Variants in SDK2 observed in about 807,000 individuals in gnomAD.
SDK2 encodes protein sidekick-2.
SDK2 carries 105 observed loss-of-function variants against 253.9 expected under a neutral mutation model. That is an observed-to-expected ratio of 0.41 (90% confidence interval 0.35 to 0.49). SDK2 has a LOEUF of 0.49. Ranked by LOEUF, SDK2 falls within the 20% of genes least tolerant of loss-of-function variation. The pLI is 0.06. For missense variants in SDK2, 2,608 were observed against 3,003.0 expected (o/e 0.87, Z 3.07); for synonymous variants, 1,249 against 1,234.9 (o/e 1.01, Z -0.24).
chr17:73,430,468 C>T (rs1299858470), intron 12 of SDK2, 43 bp downstream of exon 12: 1 of 1,448,824 alleles, frequency 6.9e-7, no homozygotes, highest in Non-Finnish European at 9.6e-7. Context: ...TTGCCAGAGG[C>T]TCCCCCTCCC....
At chr17:73,414,177 A>G (rs1766148603) in intron 18 of SDK2, among the ~76,000 whole-genome samples, 1 of 151,510 alleles carries the variant, frequency 6.6e-6, no homozygotes, top group African/African-American at 2.4e-5. Context: ...CCTCCCGAGT[A>G]GCTGGGATTA....
At chr17:73,368,633 G>A (rs375414527) in intron 36 of SDK2, 40 bp from the exon 37 acceptor site, 1 of 1,467,914 alleles carries the variant, frequency 6.8e-7, no homozygotes, top group Admixed American at 2.2e-5. Flanking sequence ...GGGGACAGGG[G>A]CAATGAGAGT....
chr17:73,469,992 G>GTGCACACACACACA (rs1555585113), intron 3 of SDK2, among the ~76,000 whole-genome samples: 1 of 126,184 alleles, frequency 7.9e-6, no homozygotes, highest in African/African-American at 3.1e-5. Flanking sequence ...GCGCGCGCGC[G>GTGCACACACACACA]CACACACACA....
At chr17:73,630,801 G>A (rs2046259312) in intron 1 of SDK2, among the ~76,000 whole-genome samples, 1 of 152,056 alleles carries the variant, frequency 6.6e-6, no homozygotes, top group Non-Finnish European at 1.5e-5. Context: ...GCTGTCAAAA[G>A]CACCACTGTC....
rs1008409028 is a variant in SDK2 at position 73,511,193 on chromosome 17, T to C, written c.65-3596A>G. Among the ~76,000 whole-genome samples, 1 of 152,250 alleles carries C rather than the reference T, an allele frequency of 6.6e-6. No individual in the cohort carries two copies. Among genetic ancestry groups the C allele is most frequent in the Non-Finnish European group, 1.5e-5 (1 of 68,046 alleles). On this transcript the variant is annotated intron_variant, in intron 1 of 44. Coordinates refer to ENST00000392650, the MANE Select transcript of SDK2 (RefSeq NM_001144952.2). This position sits in a 1 kb window ranked among gnomAD's most constrained non-coding sequence, Gnocchi z 4.9. Reference sequence around the variant, plus strand: ...GCGCTTTTAAAAACCCTCTGTTCATTGCTGTCATCACTCGTTTGTTTTAAA... The same window carrying C: ...GCGCTTTTAAAAACCCTCTGTTCATCGCTGTCATCACTCGTTTGTTTTAAA...
At chr17:73,358,302 A>C in intron 39 of SDK2, 98 bp from the exon 40 acceptor site, 1 of 1,446,724 alleles carries the variant, frequency 6.9e-7, no homozygotes, top group Non-Finnish European at 9.2e-7. Context: ...TGACAAAACC[A>C]ACCCTGGACA....
intron 27 of SDK2, 26 bp from the exon 28 acceptor site, chr17:73,391,564 C>G (rs373481242): frequency 7.4e-6 from 9 of 1,223,934 alleles, no homozygotes; most frequent in Non-Finnish European, 8.4e-6. Flanking sequence ...GAGAGGAGGC[C>G]GACCCATGAG....
chr17:73,400,522 AG>A (rs2063013596), intron 21 of SDK2, among the ~76,000 whole-genome samples: 1 of 152,146 alleles, frequency 6.6e-6, no homozygotes, highest in Non-Finnish European at 1.5e-5. Flanking sequence ...GCAGGGAGCC[AG>A]GGGAGCCCCT....
intron 2 of SDK2, among the ~76,000 whole-genome samples, chr17:73,489,962 GGCACAGAGTTTTCT>G (rs1567802803): frequency 1.3e-5 from 2 of 152,102 alleles, no homozygotes; most frequent in African/African-American, 4.8e-5. Context: ...GAGGACAAAG[GGCACAGAGTTTTCT>G]GCAAAGAGTG....
At chr17:73,621,523 A>C (rs1441943771) in intron 1 of SDK2, among the ~76,000 whole-genome samples, 3 of 152,188 alleles carry the variant, frequency 2.0e-5, no homozygotes, top group Non-Finnish European at 4.4e-5. Flanking sequence ...TATTTCATGC[A>C]ATAAATGACA....
intron 3 of SDK2, among the ~76,000 whole-genome samples, chr17:73,470,282 T>A (rs954099587): frequency 2.0e-5 from 3 of 149,232 alleles, no homozygotes; most frequent in African/African-American, 7.4e-5. Flanking sequence ...CATGCATGCA[T>A]GCATGCAAAC....
At chr17:73,387,497 C>A (rs1168481116) in intron 30 of SDK2, among the ~76,000 whole-genome samples, 2 of 152,224 alleles carry the variant, frequency 1.3e-5, no homozygotes. Context: ...TGACGCTCCA[C>A]TCCCCTATTA....
intron 12 of SDK2, among the ~76,000 whole-genome samples, chr17:73,427,252 T>C (rs6501638): frequency 0.47 from 71,643 of 152,030 alleles, 17,831 homozygotes; most frequent in East Asian, 0.61. Flanking sequence ...ATACAGAGGA[T>C]AGAAGAACAG....
chr17:73,406,313 C>T (rs1051231955), intron 18 of SDK2, among the ~76,000 whole-genome samples: 3 of 151,080 alleles, frequency 2.0e-5, no homozygotes, highest in African/African-American at 7.3e-5. Context: ...GCGAGATCTC[C>T]GCTCACTGCA....
At chr17:73,485,646 C>G (rs1242734539) in intron 2 of SDK2, among the ~76,000 whole-genome samples, 1 of 152,226 alleles carries the variant, frequency 6.6e-6, no homozygotes, top group African/African-American at 2.4e-5. Context: ...AGAGTTCACA[C>G]ATTTTTAGCA....
chr17:73,621,741 T>G (rs2046135597), intron 1 of SDK2, among the ~76,000 whole-genome samples: 1 of 151,610 alleles, frequency 6.6e-6, no homozygotes, highest in Non-Finnish European at 1.5e-5. Flanking sequence ...TAAATATATA[T>G]CCATAGAAAT....
At position 73,465,289 on chromosome 17, in the gene SDK2, C is replaced by T. The variant is rs989151251; in HGVS notation, c.331+6823G>A. ...GGCCAGCCTCCCAGGATGGGGCAGGCGCTCTGCCCTGCTGTGGGTGGGTGG... is the reference window on the plus strand; with the variant it reads ...GGCCAGCCTCCCAGGATGGGGCAGGTGCTCTGCCCTGCTGTGGGTGGGTGG... On this transcript the variant is annotated intron_variant, in intron 3 of 44. Transcript: ENST00000392650. The surrounding 1 kb of genome is among the most constrained non-coding windows in gnomAD (Gnocchi z 4.2). Among the ~76,000 whole-genome samples the T allele has an allele frequency of 3.7e-5, 5 of 135,912 alleles. No homozygotes were observed. Among genetic ancestry groups the T allele is most frequent in the Admixed American group, 7.4e-5 (1 of 13,428 alleles). 89.2% of individuals were successfully genotyped at this position (135,912 alleles called of 152,430 possible). A position where few individuals can be genotyped will look rare whatever the true frequency, so the allele number is the denominator to read the frequency against.
At chr17:73,536,874 C>A (rs746103742) in intron 1 of SDK2, among the ~76,000 whole-genome samples, 16 of 152,202 alleles carry the variant, frequency 1.1e-4, no homozygotes, top group Non-Finnish European at 2.4e-4. Context: ...CTAATCTCGG[C>A]CTCCTGAGTA....
At chr17:73,353,360 CCCTTT>C (rs1568362397) in intron 40 of SDK2, among the ~76,000 whole-genome samples, 1 of 152,152 alleles carries the variant, frequency 6.6e-6, no homozygotes, top group African/African-American at 2.4e-5. Context: ...TTAACTAACC[CCCTTT>C]CCTAATTCAA....
Sources: allele counts gnomAD v4.1 joint callset (sites outside exome capture counted in the v4.1 genomes callset), GRCh38; gene constraint gnomAD v4.1.1; non-coding constraint Gnocchi (gnomAD v3.1); transcripts MANE v1.5; gene names NCBI Gene and HGNC (gene_info 2026-07-23, HGNC 2026-07-21).